Variants in SFRP1 observed in about 807,000 individuals in gnomAD.
SFRP1 encodes the protein secreted frizzled-related protein 1.
A neutral mutation model predicts 25.9 loss-of-function variants in SFRP1; 9 were observed. That is an observed-to-expected ratio of 0.35 (90% CI 0.21 to 0.61). The LOEUF (loss-of-function observed/expected upper bound fraction) is 0.61, where lower values mean the gene tolerates loss of function less well. SFRP1 is among the 20% of genes least tolerant of loss of function. The pLI is 0.78. For synonymous variants in SFRP1, 178 were observed against 174.0 expected (o/e 1.02, Z -0.18); for missense variants, 346 against 418.2 (o/e 0.83, Z 1.51).
intron 2 of SFRP1, among the ~76,000 whole-genome samples, chr8:41,266,718 C>A (rs1199558916): frequency 6.6e-6 from 1 of 152,100 alleles, no homozygotes; most frequent in Non-Finnish European, 1.5e-5. Context: ...AGTCACCACG[C>A]CTGACCATGA....
intron 2 of SFRP1, among the ~76,000 whole-genome samples, chr8:41,266,499 G>C (rs1388722969): frequency 6.6e-6 from 1 of 151,882 alleles, no homozygotes; most frequent in Non-Finnish European, 1.5e-5. Context: ...GCAGTGTCTC[G>C]ATCTCGGCTC....
At chr8:41,267,320 C>T (rs754027219) in intron 2 of SFRP1, among the ~76,000 whole-genome samples, 7 of 152,192 alleles carry the variant, frequency 4.6e-5, no homozygotes, top group Non-Finnish European at 1.0e-4. Flanking sequence ...ACAGGGGCTG[C>T]TGATGAAGAT....
At chr8:41,275,058 A>C (rs1803554920) in intron 2 of SFRP1, 1 of 324,514 alleles carries the variant, frequency 3.1e-6, no homozygotes, top group Admixed American at 4.3e-5. Context: ...TGATTTAGTC[A>C]ATCCCCATCA....
chr8:41,264,868 T>C lies in SFRP1; in HGVS notation c.*299A>G, dbSNP rs1322075074. The C allele has an allele frequency of 3.2e-6, 1 of 317,122 alleles. No homozygotes were observed. The highest frequency in any genetic ancestry group is 5.4e-5 in the East Asian group (1 of 18,690). The allele number at this position is 317,122 out of a possible 1,614,324, so 19.6% of individuals were successfully genotyped here. ...CCCTTTTTGTGTTTTAGTGGCTGTG[T>C]TGCTGTTGGAAATGGTTTGTCACCT... On this transcript the variant is annotated 3_prime_UTR_variant, in exon 3 of 3. Coordinates refer to ENST00000220772, the MANE Select transcript of SFRP1 (RefSeq NM_003012.5).
Position 41,263,585 on chromosome 8 carries a change from T to C in SFRP1, c.*1582A>G, listed in dbSNP as rs1051599861. The C allele has an allele frequency of 2.6e-5, 4 of 152,242 alleles. No individual in the cohort carries two copies. The highest frequency in any genetic ancestry group is 9.6e-5 in the African/African-American group (4 of 41,474). 9.4% of individuals were successfully genotyped at this position (152,242 alleles called of 1,614,324 possible). A position where few individuals can be genotyped will look rare whatever the true frequency, so the allele number is the denominator to read the frequency against. ...AAGCATTGGCCCAGAGGGACAATCA[T>C]AAATGTCCTCAAAGTGTTGCAGAGA... On this transcript the variant is annotated 3_prime_UTR_variant, in exon 3 of 3. Coordinates refer to ENST00000220772, the MANE Select transcript of SFRP1 (RefSeq NM_003012.5).
chr8:41,275,614 T>C (rs1803562605), intron 2 of SFRP1, among the ~76,000 whole-genome samples: 1 of 150,918 alleles, frequency 6.6e-6, no homozygotes, highest in Non-Finnish European at 1.5e-5. Context: ...GCAATTCTCC[T>C]GCCTCAGCCT....
intron 1 of SFRP1, among the ~76,000 whole-genome samples, chr8:41,305,807 G>GTC (rs1205713850): frequency 2.0e-5 from 3 of 152,110 alleles, no homozygotes; most frequent in Non-Finnish European, 4.4e-5. Flanking sequence ...TGCTTTCTCA[G>GTC]TCTCTCTCTC....
intron 2 of SFRP1, among the ~76,000 whole-genome samples, chr8:41,265,703 G>C (rs1432666454): frequency 6.6e-6 from 1 of 152,036 alleles, no homozygotes; most frequent in South Asian, 2.1e-4. Flanking sequence ...GCTGAGGTTT[G>C]GGCTTCTAAT....
rs182502298 is a variant in SFRP1 at position 41,281,061 on chromosome 8, C to A, written c.623-15572G>T. ...GCCCTGTGGGACAGGCCCGTGAGCT[C>A]CTAGCAGGCATGACCACCTCTAATG... is the stretch of plus-strand genomic sequence containing the variant. On this transcript the variant is annotated intron_variant, in intron 2 of 2. Transcript: ENST00000220772. 3.6e-3 allele frequency among the ~76,000 whole-genome samples: 546 copies of A among 152,344 alleles called. 3 individuals are homozygous for A. Among genetic ancestry groups the A allele is most frequent in the African/African-American group, 0.013 (528 of 41,580 alleles).
Position 41,290,224 on chromosome 8 carries a change from G to A in SFRP1, c.622+13237C>T, listed in dbSNP as rs765870100. The stretch of plus-strand genomic sequence containing the variant: ...AGGCATCGACAGACACCCATATCTC[G>A]CAGATATAACCCCACGTGCACAGAG... On this transcript the variant is annotated intron_variant, in intron 2 of 2. Coordinates refer to ENST00000220772, the MANE Select transcript of SFRP1 (RefSeq NM_003012.5). 9.2e-5 allele frequency among the ~76,000 whole-genome samples: 14 copies of A among 152,156 alleles called. 1 individual carries two copies. The highest frequency in any genetic ancestry group is 1.8e-4 in the Non-Finnish European group (12 of 68,038).
chr8:41,262,774 T>C lies in SFRP1; in HGVS notation c.*2393A>G, dbSNP rs1803390456. On this transcript the variant is annotated 3_prime_UTR_variant, in exon 3 of 3. Transcript: ENST00000220772. The stretch of plus-strand genomic sequence containing the variant: ...ATACTTTGTGGAGAAAAACAAAGGC[T>C]CGTGATAGTGCAGCTCTGTGCCTAC... The C allele has an allele frequency of 1.3e-5, 2 of 152,182 alleles. No individual in the cohort carries two copies. Among genetic ancestry groups the C allele is most frequent in the African/African-American group, 2.4e-5 (1 of 41,436 alleles). 9.4% of individuals were successfully genotyped at this position (152,182 alleles called of 1,614,324 possible). A position where few individuals can be genotyped will look rare whatever the true frequency, so the allele number is the denominator to read the frequency against.
chr8:41,288,740 C>T (rs1803740085), intron 2 of SFRP1, among the ~76,000 whole-genome samples: 1 of 152,138 alleles, frequency 6.6e-6, no homozygotes, highest in Non-Finnish European at 1.5e-5. Flanking sequence ...GGAATGAAAA[C>T]TCAGTTCTGA....
At chr8:41,296,603 A>G (rs1803846981) in intron 2 of SFRP1, among the ~76,000 whole-genome samples, 1 of 152,174 alleles carries the variant, frequency 6.6e-6, no homozygotes, top group African/African-American at 2.4e-5. Flanking sequence ...TATAATGCAT[A>G]GCCTATTTTT....
At chr8:41,282,569 TA>T (rs1267023057) in intron 2 of SFRP1, among the ~76,000 whole-genome samples, 39 of 149,232 alleles carry the variant, frequency 2.6e-4, no homozygotes, top group Non-Finnish European at 5.5e-4. Flanking sequence ...AATAAATAAA[TA>T]AAATAAAATT....
intron 2 of SFRP1, among the ~76,000 whole-genome samples, chr8:41,298,695 G>A (rs1227555002): frequency 1.3e-5 from 2 of 152,142 alleles, no homozygotes; most frequent in South Asian, 2.1e-4. Context: ...GATTACAGAT[G>A]TGAGACAGCA....
rs978013726 is a variant in SFRP1 at position 41,303,531 on chromosome 8, C to T, written c.552G>A (p.Thr184=). The change falls in exon 2 of 3, where the codon ACG becomes ACA. Residue 184 remains threonine (T), a synonymous_variant. Transcript: ENST00000220772. ...ATEASKPQGT[T]VCPPCDNELK... Reference sequence around the variant, plus strand: ...ACTCGTTGTCACAGGGAGGACACACCGTTGTGCCTGGGAAAGGAAGTAGGG... The same window carrying T: ...ACTCGTTGTCACAGGGAGGACACACTGTTGTGCCTGGGAAAGGAAGTAGGG... 1.2e-6 allele frequency: 2 copies of T among 1,613,378 alleles called. No individual in the cohort carries two copies. The highest frequency in any genetic ancestry group is 1.7e-5 in the Admixed American group (1 of 59,980).
intron 2 of SFRP1, among the ~76,000 whole-genome samples, chr8:41,296,109 CCAGACAGACTG>C (rs1314930140): frequency 1.2e-5 from 1 of 85,176 alleles, no homozygotes; most frequent in Admixed American, 1.3e-4. Context: ...GGTCACCCAG[CCAGACAGACTG>C]CAGTCCAGGT....
At chr8:41,276,907 G>C in intron 2 of SFRP1, 1 of 456,240 alleles carries the variant, frequency 2.2e-6, no homozygotes, top group Non-Finnish European at 4.4e-6. Context: ...ACGCACACAC[G>C]CAAGCTCATG....
rs181461717 is a variant in SFRP1 at position 41,292,368 on chromosome 8, T to G, written c.622+11093A>C. On this transcript the variant is annotated intron_variant, in intron 2 of 2. Transcript: ENST00000220772. ...CATAGAGGCAGTTTCCCCCATGCTGTTCTCACGAGAGTGAGTTCTCACAAG... is the reference window on the plus strand; with the variant it reads ...CATAGAGGCAGTTTCCCCCATGCTGGTCTCACGAGAGTGAGTTCTCACAAG... Among the ~76,000 whole-genome samples, 18 of 152,256 alleles carry G rather than the reference T, an allele frequency of 1.2e-4. No homozygotes were observed. The East Asian group carries it at 3.3e-3, about 28-fold the overall frequency.
Sources: gnomAD v4.1 joint callset for allele counts (sites outside exome capture counted in the v4.1 genomes callset) on GRCh38, gnomAD v4.1.1 for gene constraint, MANE v1.5 for transcripts, NCBI Gene and HGNC (gene_info 2026-07-23, HGNC 2026-07-21) for gene names.